The following IFT122 variants were observed in gnomAD, a reference collection of about 807,000 sequenced individuals.
The protein encoded by IFT122 is intraflagellar transport 122.
In IFT122, 118 loss-of-function variants were observed where a neutral mutation model predicts 161.6. The ratio of observed to expected loss-of-function variants is 0.73; its 90% confidence interval spans 0.63 to 0.85. The LOEUF (loss-of-function observed/expected upper bound fraction) is 0.85. Ranked by LOEUF, IFT122 falls within the 40% of genes least tolerant of loss-of-function variation. The probability of loss-of-function intolerance (pLI) is 0.00; values close to 1 mark genes in which losing one functional copy is unlikely to be tolerated. For synonymous variants in IFT122, 550 were observed against 602.4 expected, an observed-to-expected ratio of 0.91 and a Z score of 1.27; for missense variants, 1,381 against 1,579.6, an observed-to-expected ratio of 0.87 and a Z score of 2.13.
chr3:129,484,623 T>G (rs2079064980), intron 15 of IFT122, among the ~76,000 whole-genome samples: 1 of 152,204 alleles, frequency 6.6e-6, no homozygotes. Flanking sequence ...TTCTCATCCC[T>G]TCCTTTATGG....
intron 21 of IFT122, among the ~76,000 whole-genome samples, chr3:129,505,196 A>C (rs910328563): frequency 6.6e-6 from 1 of 152,206 alleles, no homozygotes; most frequent in African/African-American, 2.4e-5. Context: ...CCAAGTCACA[A>C]ATCTAGTCAG....
In IFT122 at chr3:129,519,605, G is replaced by A. The variant is rs760157152; in HGVS notation, c.3509G>A (p.Arg1170Gln). 6.2e-6 allele frequency: 10 copies of A among 1,613,502 alleles called. No homozygotes were observed. Among genetic ancestry groups the A allele is most frequent in the Admixed American group, 3.3e-5 (2 of 60,008 alleles). Residue 1170 changes from arginine to glutamine, a missense_variant, in exon 29 of 30, where the codon CGG becomes CAG. Arg to Gln is a conservative substitution (Grantham distance 43). Coordinates refer to ENST00000348417, the MANE Select transcript of IFT122 (RefSeq NM_052989.3). Reference sequence around the variant, plus strand: ...GAGTTCGTGCCAGTGGTGGTGAGCCGGCTGGTGCTGCGCTCCATGAGCCGC... The same window carrying A: ...GAGTTCGTGCCAGTGGTGGTGAGCCAGCTGGTGCTGCGCTCCATGAGCCGC... ...GSEFVPVVVS[R>Q]LVLRSMSRRD...
intron 15 of IFT122, among the ~76,000 whole-genome samples, chr3:129,484,639 T>A (rs1460911004): frequency 2.6e-5 from 4 of 152,192 alleles, no homozygotes; most frequent in African/African-American, 7.2e-5. Context: ...TATGGCTATC[T>A]TCTCATTTCA....
chr3:129,509,086 C>T (rs1245733609), intron 23 of IFT122, among the ~76,000 whole-genome samples: 2 of 152,136 alleles, frequency 1.3e-5, no homozygotes, highest in African/African-American at 2.4e-5. Flanking sequence ...TCAGTCCAGC[C>T]GTGGAGCTGG....
At position 129,502,909 on chromosome 3, in the gene IFT122, T is replaced by C. The variant is rs756306025; in HGVS notation, c.2547+27T>C. On this transcript the variant is annotated intron_variant, in intron 20 of 29. Coordinates refer to ENST00000348417, the MANE Select transcript of IFT122 (RefSeq NM_052989.3). ...TGAGGGGAAAGCAGGCCTCATGGGC[T>C]GGGGCCCCACCTGAGCCCTGGGACA... 5.6e-6 allele frequency: 9 copies of C among 1,603,976 alleles called. No individual in the cohort carries two copies. The South Asian group carries it at 8.8e-5, about 16-fold the overall frequency.
rs114328774 is a variant in IFT122 at position 129,486,111 on chromosome 3, C to T, written c.1852-2146C>T. Among the ~76,000 whole-genome samples the T allele has an allele frequency of 1.9e-3, 284 of 152,288 alleles. 2 individuals carry two copies. The highest frequency in any genetic ancestry group is 6.2e-3 in the African/African-American group (257 of 41,550). On this transcript the variant is annotated intron_variant, in intron 15 of 29. Coordinates refer to ENST00000348417, the MANE Select transcript of IFT122 (RefSeq NM_052989.3). ...AAGTATAGCTCAGAGAGTATTTGTT[C>T]AGTGGGGTCTATTTTTAAAACTCCA...
chr3:129,460,447 A>AT (rs146530833), intron 4 of IFT122, among the ~76,000 whole-genome samples: 6,181 of 147,224 alleles, frequency 0.042, 379 homozygotes, highest in African/African-American at 0.13. Context: ...TTTCTTTATT[A>AT]TTATTTTTTT....
intron 4 of IFT122, among the ~76,000 whole-genome samples, chr3:129,460,521 A>G (rs1170231316): frequency 1.3e-5 from 2 of 152,024 alleles, no homozygotes; most frequent in Non-Finnish European, 2.9e-5. Flanking sequence ...TGGCCGCCCA[A>G]ACTGCTGGGA....
intron 15 of IFT122, among the ~76,000 whole-genome samples, chr3:129,485,432 G>A (rs2108370844): frequency 6.6e-6 from 1 of 152,340 alleles, no homozygotes; most frequent in South Asian, 2.1e-4. Context: ...TTCAAGAAAT[G>A]TTAGTGGAAT....
At position 129,504,400 on chromosome 3, in the gene IFT122, C is replaced by T. The variant is rs773080594; in HGVS notation, c.2629C>T (p.Arg877Cys). Residue 877 changes from arginine to cysteine, a missense_variant, in exon 21 of 30, where the codon CGC (arginine) becomes TGC (cysteine). Physicochemically the swap from Arg to Cys is radical, Grantham distance 180. Around this residue, in one of 7 missense-constraint regions of IFT122, gnomAD observed 496 missense variants for 502.5 expected, o/e 0.99. Coordinates refer to ENST00000348417, the MANE Select transcript of IFT122 (RefSeq NM_052989.3). ...TGCTCAGTGGCTAGCAGAGAACGAT[C>T]GCTTTGAGGAAGCCCAGAAAGGTAG... ...PYAQWLAENDRFEEAQKAFHK... is the reference protein window; with the variant it reads ...PYAQWLAENDCFEEAQKAFHK... The T allele has an allele frequency of 2.7e-5, 43 of 1,613,802 alleles. No homozygotes were observed. The East Asian group carries it at 2.9e-4, about 11-fold the overall frequency.
chr3:129,483,104 C>T (rs1172202001), intron 14 of IFT122, among the ~76,000 whole-genome samples: 1 of 151,858 alleles, frequency 6.6e-6, no homozygotes, highest in Non-Finnish European at 1.5e-5. Context: ...CTCCACTGCC[C>T]CTCCCTCTAC....
chr3:129,511,546 C>T (rs2108623178), intron 23 of IFT122, among the ~76,000 whole-genome samples: 1 of 152,296 alleles, frequency 6.6e-6, no homozygotes, highest in South Asian at 2.1e-4. Context: ...AATGGGCAAT[C>T]TCAGTTTATA....
At chr3:129,478,634 C>T (rs758292661) in intron 12 of IFT122, among the ~76,000 whole-genome samples, 52 of 151,968 alleles carry the variant, frequency 3.4e-4, no homozygotes, top group Middle Eastern at 3.4e-3. Flanking sequence ...AGTAGAGACG[C>T]GAGGCTGTAC....
chr3:129,507,902 G>A, intron 23 of IFT122, 140 bp downstream of exon 23: 1 of 708,008 alleles, frequency 1.4e-6, no homozygotes, highest in Non-Finnish European at 2.5e-6. Flanking sequence ...TCTCCTCTGG[G>A]AAGAAAAAGT....
chr3:129,508,466 C>G (rs6809071), intron 23 of IFT122, among the ~76,000 whole-genome samples: 3 of 152,080 alleles, frequency 2.0e-5, no homozygotes, highest in African/African-American at 7.2e-5. Context: ...GACTGTCACC[C>G]CCATGTTACA....
At chr3:129,512,284 A>G (rs1252519816) in intron 23 of IFT122, 28 bp from the exon 24 acceptor site, 8 of 1,530,730 alleles carry the variant, frequency 5.2e-6, no homozygotes, top group East Asian at 2.2e-5. Context: ...GAAGAACTCA[A>G]TCCCTGTTTG....
intron 5 of IFT122, chr3:129,463,247 G>GGT: frequency 3.3e-6 from 1 of 300,952 alleles, no homozygotes; most frequent in Non-Finnish European, 6.5e-6. Flanking sequence ...TGTGTAGATT[G>GGT]CCATCAGCGT....
chr3:129,489,572 C>T (rs1430365651), intron 16 of IFT122, among the ~76,000 whole-genome samples: 2 of 152,046 alleles, frequency 1.3e-5, no homozygotes, highest in African/African-American at 4.8e-5. Flanking sequence ...GGCGCGGTGG[C>T]TCACGCCTGT....
At position 129,492,128 on chromosome 3, in the gene IFT122, T is replaced by G; in HGVS notation, c.1993-13T>G. 3.1e-6 allele frequency: 5 copies of G among 1,607,008 alleles called. No individual in the cohort carries two copies. Among genetic ancestry groups the G allele is most frequent in the Non-Finnish European group, 4.3e-6 (5 of 1,174,138 alleles). On this transcript the variant is annotated splice_polypyrimidine_tract_variant and intron_variant, in intron 16 of 29. Transcript: ENST00000348417. ...GAAGACAGCTTATTTTATTCTTTAT[T>G]TCTTCGCCACAGGCCTTCATCAGAG...
Sources: gnomAD v4.1 joint callset for allele counts (sites outside exome capture counted in the v4.1 genomes callset) on GRCh38, gnomAD v4.1.1 for gene constraint, gnomAD v4.1.1 regional missense constraint, MANE v1.5 for transcripts, NCBI Gene and HGNC (gene_info 2026-07-23, HGNC 2026-07-21) for gene names.